Variants in ATP1B3 observed in about 807,000 individuals in gnomAD.
ATP1B3 encodes ATPase Na+/K+ transporting subunit beta 3.
In ATP1B3, 10 loss-of-function variants were observed where a neutral mutation model predicts 30.2. That is an observed-to-expected ratio of 0.33 (90% confidence interval 0.20 to 0.56). The LOEUF is 0.56. Among genes scored for constraint, ATP1B3 ranks in the 20% least tolerant of loss-of-function variants. ATP1B3 has a pLI of 0.90. For synonymous variants in ATP1B3, 113 were observed against 117.0 expected (o/e 0.97, Z 0.22); for missense variants, 238 against 336.7 (o/e 0.71, Z 2.29).
intron 1 of ATP1B3, among the ~76,000 whole-genome samples, chr3:141,884,366 A>G (rs1007710216): frequency 6.6e-6 from 1 of 152,100 alleles, no homozygotes; most frequent in South Asian, 2.1e-4. Context: ...GGCCTTTTAC[A>G]TACTCATACT....
chr3:141,906,560 A>G (rs994623994), intron 2 of ATP1B3, among the ~76,000 whole-genome samples: 1 of 152,230 alleles, frequency 6.6e-6, no homozygotes, highest in Non-Finnish European at 1.5e-5. Context: ...TAGTAAGCTT[A>G]AGCAACATGG....
intron 1 of ATP1B3, chr3:141,902,871 C>T (rs1934189254): frequency 6.6e-6 from 1 of 152,144 alleles, no homozygotes; most frequent in African/African-American, 2.4e-5. Flanking sequence ...CTGCACATTT[C>T]CTGATATTCT....
intron 1 of ATP1B3, among the ~76,000 whole-genome samples, chr3:141,889,595 G>T (rs1933897066): frequency 6.6e-6 from 1 of 151,660 alleles, no homozygotes; most frequent in Non-Finnish European, 1.5e-5. Context: ...GGGCGTGGTG[G>T]CAGGTGCCTG....
chr3:141,884,802 C>T (rs1235720271), intron 1 of ATP1B3, among the ~76,000 whole-genome samples: 1 of 152,156 alleles, frequency 6.6e-6, no homozygotes, highest in Non-Finnish European at 1.5e-5. Context: ...ATTATTAGTT[C>T]TGTCCCTCTA....
intron 1 of ATP1B3, among the ~76,000 whole-genome samples, chr3:141,888,882 A>G (rs1183548857): frequency 2.0e-5 from 3 of 152,004 alleles, no homozygotes; most frequent in African/African-American, 7.2e-5. Flanking sequence ...CTCCCCAGCC[A>G]TGTGGAACTG....
chr3:141,908,376 TC>T (rs1934300498), intron 3 of ATP1B3, among the ~76,000 whole-genome samples: 1 of 152,174 alleles, frequency 6.6e-6, no homozygotes, highest in African/African-American at 2.4e-5. Flanking sequence ...GCTCATCTCT[TC>T]CTCAGCCACA....
chr3:141,891,686 G>GGCT (rs1933957176), intron 1 of ATP1B3, among the ~76,000 whole-genome samples: 2 of 151,806 alleles, frequency 1.3e-5, no homozygotes, highest in African/African-American at 4.8e-5. Flanking sequence ...CTAAAAATCT[G>GGCT]GCTTTTTTGT....
chr3:141,922,210 T>C (rs1010877339), intron 6 of ATP1B3, 147 bp downstream of exon 6: 1 of 537,236 alleles, frequency 1.9e-6, no homozygotes, highest in Non-Finnish European at 3.4e-6. Context: ...TTAATGGTGA[T>C]GGTAAATGGA....
At chr3:141,879,811 C>CTTTTT (rs150389395) in intron 1 of ATP1B3, among the ~76,000 whole-genome samples, 601 of 57,888 alleles carry the variant, frequency 0.01, 16 homozygotes, top group East Asian at 0.028. Flanking sequence ...TTGGTAACAG[C>CTTTTT]TTTTTTTTTT....
chr3:141,919,713 C>T (rs1212241157), intron 5 of ATP1B3, among the ~76,000 whole-genome samples: 7 of 152,014 alleles, frequency 4.6e-5, no homozygotes, highest in East Asian at 1.9e-4. Context: ...CCAAGGTAGG[C>T]GGATCACCAG....
intron 1 of ATP1B3, among the ~76,000 whole-genome samples, chr3:141,882,772 T>A (rs150557083): frequency 1.3e-5 from 2 of 152,098 alleles, no homozygotes; most frequent in African/African-American, 4.8e-5. Flanking sequence ...TTAGCTGAGA[T>A]AGGGTTTTTT....
At chr3:141,886,503 A>G (rs767796318) in intron 1 of ATP1B3, among the ~76,000 whole-genome samples, 6 of 152,102 alleles carry the variant, frequency 3.9e-5, no homozygotes, top group Non-Finnish European at 5.9e-5. Context: ...CTACATTTCT[A>G]ATTAATTTTT....
At chr3:141,888,553 T>C (rs932716948) in intron 1 of ATP1B3, among the ~76,000 whole-genome samples, 4 of 152,180 alleles carry the variant, frequency 2.6e-5, no homozygotes, top group African/African-American at 9.7e-5. Flanking sequence ...CACACTGCTA[T>C]AAAGAACTAC....
At chr3:141,902,075 A>G (rs1934173601) in intron 1 of ATP1B3, 1 of 1,218,838 alleles carries the variant, frequency 8.2e-7, no homozygotes, top group African/African-American at 1.6e-5. Flanking sequence ...TGTGTGTTTC[A>G]TTTCCCTCTA....
At chr3:141,908,541 G>A (rs1436766591) in intron 3 of ATP1B3, among the ~76,000 whole-genome samples, 17 of 152,102 alleles carry the variant, frequency 1.1e-4, no homozygotes, top group Admixed American at 1.1e-3. Flanking sequence ...ACACCCTGTG[G>A]GAGTACCCCA....
chr3:141,893,839 A>G (rs186216758), intron 1 of ATP1B3, among the ~76,000 whole-genome samples: 58 of 152,294 alleles, frequency 3.8e-4, no homozygotes, highest in African/African-American at 1.3e-3. Flanking sequence ...GCTTTTTGAC[A>G]GTCTGTATTA....
intron 6 of ATP1B3, among the ~76,000 whole-genome samples, chr3:141,924,711 C>T (rs745855323): frequency 1.3e-5 from 2 of 151,966 alleles, no homozygotes; most frequent in African/African-American, 4.8e-5. Flanking sequence ...TTCCCAAGCA[C>T]TTTGGGAGGC....
At chr3:141,891,716 T>C (rs551375260) in intron 1 of ATP1B3, among the ~76,000 whole-genome samples, 5 of 152,254 alleles carry the variant, frequency 3.3e-5, no homozygotes, top group African/African-American at 1.2e-4. Flanking sequence ...ATTTTAATGA[T>C]GTTTTAATGA....
At chr3:141,884,302 G>A (rs1041794637) in intron 1 of ATP1B3, among the ~76,000 whole-genome samples, 1 of 152,098 alleles carries the variant, frequency 6.6e-6, no homozygotes, top group Non-Finnish European at 1.5e-5. Flanking sequence ...TGCAAGGCAT[G>A]GGGTACTTTT....
Sources: gnomAD v4.1 joint callset for allele counts (sites outside exome capture counted in the v4.1 genomes callset) on GRCh38, gnomAD v4.1.1 for gene constraint, MANE v1.5 for transcripts, NCBI Gene and HGNC (gene_info 2026-07-23, HGNC 2026-07-21) for gene names.